NEGR1: variants seen among roughly 807,000 people sequenced by gnomAD.
NEGR1 encodes the protein neuronal growth regulator 1.
NEGR1 carries 10 observed loss-of-function variants against 40.9 expected under a neutral mutation model. The observed-to-expected ratio is 0.24, with a 90% CI of 0.15 to 0.42. The LOEUF (loss-of-function observed/expected upper bound fraction) is 0.42, where lower values mean the gene tolerates loss of function less well. NEGR1 is among the 10% of genes least tolerant of loss of function. The pLI is 1.00. For synonymous variants in NEGR1, 185 were observed against 166.8 expected (o/e 1.11, Z -0.84); for missense variants, 352 against 438.9 (o/e 0.80, Z 1.77).
At chr1:71,949,368 C>T (rs1429608589) in intron 1 of NEGR1, among the ~76,000 whole-genome samples, 1 of 152,114 alleles carries the variant, frequency 6.6e-6, no homozygotes, top group African/African-American at 2.4e-5. Flanking sequence ...CTTTATTGCC[C>T]TGCACTGTTC....
At position 71,793,219 on chromosome 1, in the gene NEGR1, C is replaced by T. The variant is rs1478111420; in HGVS notation, c.410-16922G>A. ...TTTTTTAGATGGAATCTTGCTCTGTCGCCCAGGCTGGAGTGCAGTGGCACG... is the reference window on the plus strand; with the variant it reads ...TTTTTTAGATGGAATCTTGCTCTGTTGCCCAGGCTGGAGTGCAGTGGCACG... On this transcript the variant is annotated intron_variant, in intron 2 of 6. Coordinates refer to ENST00000357731, the MANE Select transcript of NEGR1 (RefSeq NM_173808.3). Among the ~76,000 whole-genome samples the T allele has an allele frequency of 6.0e-3, 23 of 3,834 alleles. No homozygotes were observed. The East Asian group carries it at 0.16, about 27-fold the overall frequency. The allele number at this position is 3,834 out of a possible 152,430, so 2.5% of individuals were successfully genotyped here. A position where few individuals can be genotyped will look rare whatever the true frequency, so the allele number is the denominator to read the frequency against.
At chr1:71,669,659 CTT>C (rs36110917) in intron 4 of NEGR1, among the ~76,000 whole-genome samples, 11,081 of 149,918 alleles carry the variant, frequency 0.074, 501 homozygotes, top group East Asian at 0.13. Flanking sequence ...TGCTACGTAA[CTT>C]TTTTTTTTGA....
At chr1:72,247,900 G>C (rs1014465980) in intron 1 of NEGR1, among the ~76,000 whole-genome samples, 1 of 152,146 alleles carries the variant, frequency 6.6e-6, no homozygotes, top group African/African-American at 2.4e-5. Context: ...GAAGCATGGT[G>C]CCAACATCCG....
intron 2 of NEGR1, among the ~76,000 whole-genome samples, chr1:71,916,981 G>T (rs1338415809): frequency 6.6e-6 from 1 of 152,202 alleles, no homozygotes; most frequent in Non-Finnish European, 1.5e-5. Context: ...GGGAAAAAGA[G>T]AAAGGCAGAG....
intron 1 of NEGR1, among the ~76,000 whole-genome samples, chr1:72,167,433 T>A (rs1401223207): frequency 6.6e-6 from 1 of 152,102 alleles, no homozygotes; most frequent in Non-Finnish European, 1.5e-5. Context: ...TATTATCATA[T>A]TTTCTAAGTA....
chr1:71,693,756 T>A (rs948507302), intron 4 of NEGR1, among the ~76,000 whole-genome samples: 2 of 151,544 alleles, frequency 1.3e-5, no homozygotes, highest in Non-Finnish European at 3.0e-5. Context: ...ACTGGAAGAA[T>A]ACATACAAAT....
intron 4 of NEGR1, among the ~76,000 whole-genome samples, chr1:71,629,463 T>C (rs535922017): frequency 3.9e-4 from 60 of 152,062 alleles, no homozygotes; most frequent in Admixed American, 9.8e-4. Context: ...TTGTAAGTTG[T>C]ATTCCTAAGT....
At chr1:71,898,957 T>TA (rs1661056938) in intron 2 of NEGR1, among the ~76,000 whole-genome samples, 4 of 102,108 alleles carry the variant, frequency 3.9e-5, no homozygotes, top group African/African-American at 1.6e-4. Flanking sequence ...CAAATATATA[T>TA]ATATAGCATA....
chr1:72,005,684 C>T (rs1646600494), intron 1 of NEGR1, among the ~76,000 whole-genome samples: 1 of 152,016 alleles, frequency 6.6e-6, no homozygotes, highest in African/African-American at 2.4e-5. Context: ...AATCAAGTTT[C>T]CATATTTCTT....
At chr1:71,614,813 A>G (rs1372137920) in intron 4 of NEGR1, among the ~76,000 whole-genome samples, 2 of 152,236 alleles carry the variant, frequency 1.3e-5, no homozygotes, top group Non-Finnish European at 2.9e-5. Flanking sequence ...CTAGTTCATC[A>G]TTAAAAGGCT....
At chr1:71,683,556 T>C (rs1182579253) in intron 4 of NEGR1, among the ~76,000 whole-genome samples, 2 of 152,122 alleles carry the variant, frequency 1.3e-5, no homozygotes, top group African/African-American at 2.4e-5. Context: ...TAACATATTA[T>C]ACCTCAAAAG....
chr1:72,020,390 A>G (rs1194525706), intron 1 of NEGR1, among the ~76,000 whole-genome samples: 1 of 152,178 alleles, frequency 6.6e-6, no homozygotes, highest in Non-Finnish European at 1.5e-5. Flanking sequence ...AGGATTCTAA[A>G]AAGTAGCACC....
chr1:71,977,185 G>A (rs1033781570), intron 1 of NEGR1, among the ~76,000 whole-genome samples: 11 of 152,062 alleles, frequency 7.2e-5, no homozygotes, highest in African/African-American at 2.7e-4. Context: ...AATTAGCTGG[G>A]CATGGTGGCG....
At chr1:71,907,269 A>G (rs1661303052) in intron 2 of NEGR1, among the ~76,000 whole-genome samples, 1 of 152,198 alleles carries the variant, frequency 6.6e-6, no homozygotes, top group African/African-American at 2.4e-5. Context: ...TAGAAACTAC[A>G]TGGCACTGAT....
chr1:71,772,723 T>G (rs569211063), intron 3 of NEGR1, among the ~76,000 whole-genome samples: 61 of 152,098 alleles, frequency 4.0e-4, no homozygotes, highest in Admixed American at 7.2e-4. Context: ...TATCTAGAGA[T>G]AAAAAACACC....
intron 1 of NEGR1, among the ~76,000 whole-genome samples, chr1:72,061,873 T>A (rs1647181419): frequency 6.6e-6 from 1 of 151,716 alleles, no homozygotes; most frequent in African/African-American, 2.4e-5. Context: ...CCCTTTTGTG[T>A]TCCTTTCTCA....
intron 1 of NEGR1, among the ~76,000 whole-genome samples, chr1:72,280,077 C>G (rs1281238278): frequency 2.0e-5 from 3 of 152,144 alleles, no homozygotes; most frequent in Admixed American, 6.5e-5. Context: ...GTTTGAAAGT[C>G]AAGTTCCCTC....
intron 4 of NEGR1, among the ~76,000 whole-genome samples, chr1:71,663,110 C>A (rs1652123606): frequency 6.6e-6 from 1 of 152,062 alleles, no homozygotes; most frequent in Non-Finnish European, 1.5e-5. Context: ...GCGCCTGCCA[C>A]CATGCCTGGC....
At chr1:72,144,109 T>C (rs190072719) in intron 1 of NEGR1, among the ~76,000 whole-genome samples, 1 of 150,972 alleles carries the variant, frequency 6.6e-6, no homozygotes, top group Non-Finnish European at 1.5e-5. Context: ...TACTGCTTAA[T>C]TGAATAAGAT....
Sources: allele counts gnomAD v4.1 joint callset (sites outside exome capture counted in the v4.1 genomes callset), GRCh38; gene constraint gnomAD v4.1.1; transcripts MANE v1.5; gene names NCBI Gene and HGNC (gene_info 2026-07-23, HGNC 2026-07-21).